TJP2: variants seen among roughly 807,000 people sequenced by gnomAD.
The protein encoded by TJP2 is tight junction protein 2, also known as Friedreich ataxia region gene X104 (tight junction protein ZO-2).
Under a neutral mutation model 133.1 loss-of-function variants are expected in TJP2, and 91 were observed. That is an observed-to-expected ratio of 0.68 (90% CI 0.58 to 0.81). The LOEUF is 0.81. Ranked by LOEUF, TJP2 falls within the 40% of genes least tolerant of loss-of-function variation. TJP2 has a pLI of 0.00. For missense variants in TJP2, 1,541 were observed against 1,565.6 expected, an observed-to-expected ratio of 0.98 and a Z score of 0.26; for synonymous variants, 592 against 583.4, an observed-to-expected ratio of 1.01 and a Z score of -0.21.
chr9:69,138,512 A>T lies in TJP2; in HGVS notation c.-130-13139A>T, dbSNP rs184790125. On this transcript the variant is annotated intron_variant, in intron 1 of 5. Coordinates refer to the TJP2 transcript ENST00000423935. ...CCAGGGACCATGGCTTATGCTTGTA[A>T]TCCCAGCACTTTGGGAGGCTGAGGT... Among the ~76,000 whole-genome samples, 178 of 151,962 alleles carry T rather than the reference A, an allele frequency of 1.2e-3. 1 individual carries two copies. The highest frequency in any genetic ancestry group is 4.1e-3 in the African/African-American group (170 of 41,458).
rs762602628 is a variant in TJP2, at chr9:69,251,293, A to C, written c.3250A>C (p.Ile1084Leu). 6.2e-6 allele frequency: 10 copies of C among 1,614,194 alleles called. No homozygotes were observed. In the East Asian group the frequency reaches 2.2e-4, roughly 36 times the overall value. The part of the protein sequence containing the change: ...APKSVLGKVK[I>L]FEKMDHKARL... ...CAAATCAGTCCTGGGCAAAGTCAAA[A>C]TATTTGAGAAGATGGATCACAAGGC... Residue 1084 changes from isoleucine to leucine, a missense_variant, in exon 21 of 23, where the codon ATA (isoleucine) becomes CTA (leucine). Transcript: ENST00000377245.
intron 11 of TJP2, 27 bp from the exon 12 acceptor site, chr9:69,234,412 T>TC (rs1491160869): frequency 1.5e-6 from 2 of 1,344,502 alleles, no homozygotes; most frequent in East Asian, 2.3e-5. Context: ...TTTTTTTTTT[T>TC]CTTTTTCTGT....
chr9:69,178,715 G>C (rs1454921485), intron 1 of TJP2, among the ~76,000 whole-genome samples: 2 of 152,164 alleles, frequency 1.3e-5, no homozygotes, highest in Non-Finnish European at 2.9e-5. Flanking sequence ...TTAACGTCTG[G>C]CCCAATTCTC....
At chr9:69,134,327 A>G (rs1430556252) in intron 1 of TJP2, among the ~76,000 whole-genome samples, 1 of 152,242 alleles carries the variant, frequency 6.6e-6, no homozygotes, top group Non-Finnish European at 1.5e-5. Flanking sequence ...ACAGGTAAAC[A>G]TAAATATAAC....
rs764379398 is a variant in TJP2, at chr9:69,234,538, C to A, written c.1771C>A (p.Arg591=). ...AATGGTGACCATTTTAGCTCAGAGC[C>A]GAGCCGATGGTGAGCAAATTTGGTC... The part of the protein sequence containing the change: ...GEMVTILAQS[R]ADVYRDILAC... The change falls in exon 12 of 23, where the codon CGA becomes AGA. Residue 591 remains arginine (R), a synonymous_variant. Transcript: ENST00000377245. 6.9e-7 allele frequency: 1 copy of A among 1,442,206 alleles called. No homozygotes were observed. Among genetic ancestry groups the A allele is most frequent in the Non-Finnish European group, 9.3e-7 (1 of 1,078,576 alleles). 89.3% of individuals were successfully genotyped at this position (1,442,206 alleles called of 1,614,324 possible).
chr9:69,196,222 AAAGGATAT>A (rs1162502301), intron 1 of TJP2, among the ~76,000 whole-genome samples: 1 of 152,176 alleles, frequency 6.6e-6, no homozygotes, highest in Non-Finnish European at 1.5e-5. Flanking sequence ...TCTTCAGTGG[AAAGGATAT>A]AAGCTTTCTA....
rs965311413 is a variant in TJP2 at position 69,230,107 on chromosome 9, A to G, written c.1546A>G (p.Lys516Glu). Residue 516 changes from lysine (K) to glutamate (E), a missense_variant, in exon 11 of 23, where the codon AAG becomes GAG. By Grantham distance (56) the Lys-to-Glu change is moderately conservative. Coordinates refer to ENST00000377245, the MANE Select transcript of TJP2 (RefSeq NM_004817.4). ...CCCTAATACCAAAATGGTAAGGTTC[A>G]AGAAGGGAGACAGCGTGGGCCTCCG... ...YGPNTKMVRFKKGDSVGLRLA... is the reference protein window; with the variant it reads ...YGPNTKMVRFEKGDSVGLRLA... The G allele has an allele frequency of 3.7e-6, 6 of 1,614,066 alleles. No individual in the cohort carries two copies. Among genetic ancestry groups the G allele is most frequent in the Non-Finnish European group, 5.1e-6 (6 of 1,180,034 alleles).
intron 2 of TJP2, among the ~76,000 whole-genome samples, chr9:69,212,828 G>GT (rs2133212226): frequency 6.6e-6 from 1 of 151,902 alleles, no homozygotes; most frequent in East Asian, 1.9e-4. Flanking sequence ...AGGTTATTTA[G>GT]TGTATACTCT....
chr9:69,135,203 GTAAA>G (rs915535528), intron 1 of TJP2, among the ~76,000 whole-genome samples: 3 of 151,950 alleles, frequency 2.0e-5, no homozygotes, highest in African/African-American at 7.3e-5. Flanking sequence ...GATTTGCTGA[GTAAA>G]TAATCATGGC....
chr9:69,136,076 GAT>G (rs749663598), intron 1 of TJP2, among the ~76,000 whole-genome samples: 19 of 152,254 alleles, frequency 1.2e-4, no homozygotes, highest in Middle Eastern at 6.8e-3. Context: ...TGCTCAAAGA[GAT>G]ATTATTTCTT....
chr9:69,149,711 A>G (rs1349686524), intron 1 of TJP2, among the ~76,000 whole-genome samples: 1 of 152,204 alleles, frequency 6.6e-6, no homozygotes, highest in Non-Finnish European at 1.5e-5. Context: ...CCCAGAAAGG[A>G]GCTTGCCTCC....
chr9:69,204,513 CTTTG>C (rs1424222638), intron 1 of TJP2, among the ~76,000 whole-genome samples: 2 of 152,198 alleles, frequency 1.3e-5, no homozygotes, highest in African/African-American at 4.8e-5. Flanking sequence ...CGGCAGGGCT[CTTTG>C]TTATTCTTTT....
intron 2 of TJP2, among the ~76,000 whole-genome samples, chr9:69,152,980 T>G (rs35066157): frequency 0.071 from 10,734 of 151,612 alleles, 390 homozygotes; most frequent in South Asian, 0.085. Flanking sequence ...TCCCACTGTT[T>G]TGGGAAGTAG....
chr9:69,236,036 GAC>G lies in TJP2; in HGVS notation c.1791_1792del (p.Ile598ProfsTer16). 6.2e-7 allele frequency: 1 copy of G among 1,614,172 alleles called. No homozygotes were observed. The highest frequency in any genetic ancestry group is 8.5e-7 in the Non-Finnish European group (1 of 1,180,006). ...ATGCTTTTGTCTTTCAGTGTATAGAGACATCCTGGCTTGTGGCAGAGGGGATT... is the reference window on the plus strand; with the variant it reads ...ATGCTTTTGTCTTTCAGTGTATAGAGATCCTGGCTTGTGGCAGAGGGGATT... ...LAQSRADVYRDILACGRGDSF... is the reference protein window; with the variant it reads ...LAQSRADVYRXILACGRGDSF... On this transcript the variant is annotated frameshift_variant, in exon 13 of 23. Coordinates refer to ENST00000377245, the MANE Select transcript of TJP2 (RefSeq NM_004817.4). LOFTEE classifies it high-confidence loss of function.
Position 69,230,199 on chromosome 9 carries a change from G to C in TJP2, c.1638G>C (p.Gln546His). 2 of 1,614,174 alleles carry C rather than the reference G, an allele frequency of 1.2e-6. No individual in the cohort carries two copies. Among genetic ancestry groups the C allele is most frequent in the East Asian group, 2.2e-5 (1 of 44,874 alleles). ...AGIQEGTSAE[Q>H]EGLQEGDQIL... ...TTCAAGAAGGGACCTCGGCGGAGCAGGAGGGCCTTCAAGAAGGAGACCAGA... is the reference window on the plus strand; with the variant it reads ...TTCAAGAAGGGACCTCGGCGGAGCACGAGGGCCTTCAAGAAGGAGACCAGA... Residue 546 changes from glutamine to histidine, a missense_variant, in exon 11 of 23, where the codon CAG becomes CAC. Transcript: ENST00000377245.
At chr9:69,207,865 A>G (rs1827559059) in intron 1 of TJP2, among the ~76,000 whole-genome samples, 1 of 152,202 alleles carries the variant, frequency 6.6e-6, no homozygotes, top group Non-Finnish European at 1.5e-5. Context: ...GTTCTGAGGA[A>G]TAAGGATGAT....
intron 2 of TJP2, among the ~76,000 whole-genome samples, chr9:69,153,204 G>A (rs1055090396): frequency 1.3e-4 from 20 of 151,980 alleles, no homozygotes; most frequent in African/African-American, 4.8e-4. Flanking sequence ...CTGCACCCCA[G>A]CCTGGGCAAC....
intron 2 of TJP2, among the ~76,000 whole-genome samples, chr9:69,167,941 G>A (rs191639186): frequency 3.3e-5 from 5 of 151,866 alleles, no homozygotes; most frequent in East Asian, 3.9e-4. Context: ...TACTAGAAAC[G>A]TAGATGCCAA....
At chr9:69,150,055 C>A (rs951278307) in intron 1 of TJP2, among the ~76,000 whole-genome samples, 2 of 151,936 alleles carry the variant, frequency 1.3e-5, no homozygotes, top group Non-Finnish European at 2.9e-5. Flanking sequence ...GAGGCTGAGG[C>A]AGGAAAACTG....
Sources: allele counts gnomAD v4.1 joint callset (sites outside exome capture counted in the v4.1 genomes callset), GRCh38; gene constraint gnomAD v4.1.1; transcripts MANE v1.5; gene names NCBI Gene and HGNC (gene_info 2026-07-23, HGNC 2026-07-21).